Variants in NEBL observed in about 807,000 individuals in gnomAD.
NEBL encodes the protein nebulette, also known as LIM and SH3 protein 2.
Under a neutral mutation model 140.2 loss-of-function variants are expected in NEBL, and 122 were observed. The ratio of observed to expected loss-of-function variants is 0.87; its 90% confidence interval spans 0.75 to 1.01. NEBL has a LOEUF of 1.01. Ranked by LOEUF, NEBL falls within the 50% of genes least tolerant of loss-of-function variation. The probability of loss-of-function intolerance (pLI) is 0.00; values close to 1 mark genes in which losing one functional copy is unlikely to be tolerated. For synonymous variants in NEBL, 436 were observed against 398.9 expected (o/e 1.09, Z -1.11); for missense variants, 1,365 against 1,231.3 (o/e 1.11, Z -1.62).
chr10:21,216,844 C>T (rs991209921), intron 3 of NEBL, among the ~76,000 whole-genome samples: 33 of 150,634 alleles, frequency 2.2e-4, no homozygotes, highest in African/African-American at 6.4e-4. Flanking sequence ...AAAAATTAGC[C>T]GGGTGTGGTG....
chr10:21,126,974 C>CAA (rs55883304), intron 2 of NEBL, among the ~76,000 whole-genome samples: 74 of 64,050 alleles, frequency 1.2e-3, no homozygotes, highest in East Asian at 2.0e-3. Context: ...GACCCTGTAT[C>CAA]AAAAAAAAAA....
At chr10:21,086,147 C>T (rs568642417) in intron 2 of NEBL, among the ~76,000 whole-genome samples, 3 of 152,282 alleles carry the variant, frequency 2.0e-5, no homozygotes, top group African/African-American at 7.2e-5. Flanking sequence ...TGCCCATTTT[C>T]ACAATTTCCA....
At chr10:21,200,110 C>T (rs2132225937) in intron 3 of NEBL, among the ~76,000 whole-genome samples, 1 of 152,052 alleles carries the variant, frequency 6.6e-6, no homozygotes, top group East Asian at 1.9e-4. Flanking sequence ...ATGGTGTTTC[C>T]ATTTCTGCCC....
At chr10:21,207,488 C>G (rs1841846042) in intron 3 of NEBL, among the ~76,000 whole-genome samples, 1 of 152,034 alleles carries the variant, frequency 6.6e-6, no homozygotes, top group East Asian at 1.9e-4. Flanking sequence ...TAACAAAACC[C>G]AGATTTGGTT....
chr10:20,972,703 C>T (rs563995957), intron 3 of NEBL, among the ~76,000 whole-genome samples: 8 of 151,898 alleles, frequency 5.3e-5, no homozygotes, highest in South Asian at 2.1e-4. Flanking sequence ...GCCAAGATCA[C>T]GCCACTGCAC....
intron 2 of NEBL, among the ~76,000 whole-genome samples, chr10:21,146,725 AT>A (rs571047056): frequency 1.9e-3 from 292 of 152,202 alleles, no homozygotes; most frequent in African/African-American, 5.9e-3. Context: ...TAAAGTAAAA[AT>A]TTTTTTTAAC....
rs1842185829 is a variant in NEBL at position 20,848,629 on chromosome 10, C to T, written c.1116+1766G>A. 2.0e-5 allele frequency among the ~76,000 whole-genome samples: 3 copies of T among 150,236 alleles called. No homozygotes were observed. The South Asian group carries it at 6.2e-4, about 31-fold the overall frequency. On this transcript the variant is annotated intron_variant, in intron 11 of 27. Transcript: ENST00000377122. ...AGCACAAACCCTATTATGAACTGTG[C>T]ATGCAAGGGATCTAGGCTGTGCACT...
intron 9 of NEBL, among the ~76,000 whole-genome samples, chr10:20,853,652 G>T (rs1842760872): frequency 6.6e-6 from 1 of 152,186 alleles, no homozygotes; most frequent in Admixed American, 6.5e-5. Context: ...GCTGGGCATG[G>T]TGACATGCAC....
intron 4 of NEBL, among the ~76,000 whole-genome samples, chr10:20,941,167 C>T (rs1834839642): frequency 6.6e-6 from 1 of 152,200 alleles, no homozygotes; most frequent in Non-Finnish European, 1.5e-5. Context: ...CCCTGATGAA[C>T]ATTGATGCAA....
In NEBL at chr10:20,890,429, C is replaced by T. The variant is rs78220302; in HGVS notation, c.154-480G>A. Reference sequence around the variant, plus strand: ...GAAATTAAATGGGGATCACTATTACCGTTATTACCTAGACATGCTTGATTA... The same window carrying T: ...GAAATTAAATGGGGATCACTATTACTGTTATTACCTAGACATGCTTGATTA... On this transcript the variant is annotated intron_variant, in intron 2 of 27. Coordinates refer to ENST00000377122, the MANE Select transcript of NEBL (RefSeq NM_006393.3). Among the ~76,000 whole-genome samples the T allele has an allele frequency of 8.4e-3, 1,277 of 152,244 alleles. 19 individuals carry two copies. Among genetic ancestry groups the T allele is most frequent in the African/African-American group, 0.029 (1,212 of 41,528 alleles).
chr10:21,036,927 C>G (rs1834038556), intron 2 of NEBL, among the ~76,000 whole-genome samples: 1 of 152,104 alleles, frequency 6.6e-6, no homozygotes, highest in South Asian at 2.1e-4. Context: ...TGGAATACAG[C>G]CCTCCTTGCT....
chr10:21,032,549 C>T (rs1355596968), intron 2 of NEBL, among the ~76,000 whole-genome samples: 2 of 152,154 alleles, frequency 1.3e-5, no homozygotes, highest in Non-Finnish European at 2.9e-5. Context: ...ACATATAATG[C>T]CTCTGGTTGC....
chr10:21,275,490 CACTTTGCAGGTTT>C (rs560388626), intron 1 of NEBL, among the ~76,000 whole-genome samples: 1 of 152,332 alleles, frequency 6.6e-6, no homozygotes, highest in East Asian at 1.9e-4. Flanking sequence ...TCACGAAACC[CACTTTGCAGGTTT>C]TCCTCCTCTC....
chr10:21,230,491 A>T (rs1842231819), intron 3 of NEBL, among the ~76,000 whole-genome samples: 1 of 152,176 alleles, frequency 6.6e-6, no homozygotes, highest in Non-Finnish European at 1.5e-5. Flanking sequence ...TTTCAAGATG[A>T]ATGTGTCAAC....
intron 2 of NEBL, among the ~76,000 whole-genome samples, chr10:21,071,434 A>C (rs993230314): frequency 1.3e-5 from 2 of 152,124 alleles, no homozygotes; most frequent in African/African-American, 4.8e-5. Flanking sequence ...AGGACTTTTC[A>C]AATTTTTCTC....
rs187005749 is a variant in NEBL at position 21,253,090 on chromosome 10, C to T, written n.183-1262G>A. Among the ~76,000 whole-genome samples, 214 of 152,264 alleles carry T rather than the reference C, an allele frequency of 1.4e-3. 1 individual carries two copies. Among genetic ancestry groups the T allele is most frequent in the African/African-American group, 5.0e-3 (206 of 41,570 alleles). ...CAGTCTGGCCAGCATGGAGAAACCC[C>T]ATCTCTACTAAAAATACAAAAATTA... is the stretch of plus-strand genomic sequence containing the variant. On this transcript the variant is annotated intron_variant and non_coding_transcript_variant, in intron 1 of 8. Coordinates refer to the NEBL transcript ENST00000675702.
At position 20,991,121 on chromosome 10, in the gene NEBL, T is replaced by C. The variant is rs1390398455; in HGVS notation, c.249+28996A>G. Reference sequence around the variant, plus strand: ...TAGAGAAGTATGAGATATTTCCACATTGGTTCATTTAACAATTTTCTCTGC... The same window carrying C: ...TAGAGAAGTATGAGATATTTCCACACTGGTTCATTTAACAATTTTCTCTGC... On this transcript the variant is annotated intron_variant, in intron 3 of 6. Transcript: ENST00000417816. Among the ~76,000 whole-genome samples, 3 of 152,190 alleles carry C rather than the reference T, an allele frequency of 2.0e-5. No homozygotes were observed. In the East Asian group the frequency reaches 5.8e-4, roughly 29 times the overall value.
chr10:20,810,764 G>T (rs982739342), intron 24 of NEBL, among the ~76,000 whole-genome samples: 15 of 152,178 alleles, frequency 9.9e-5, no homozygotes, highest in African/African-American at 3.6e-4. Context: ...CGGCAGAAAT[G>T]GGGCTACAGC....
At chr10:21,029,271 C>A in intron 2 of NEBL, 1 of 1,597,264 alleles carries the variant, frequency 6.3e-7, no homozygotes, top group Non-Finnish European at 8.6e-7. Flanking sequence ...GCTTTCTTCC[C>A]AAATCGCCAC....
Sources: gnomAD v4.1 joint callset for allele counts (sites outside exome capture counted in the v4.1 genomes callset) on GRCh38, gnomAD v4.1.1 for gene constraint, MANE v1.5 for transcripts, NCBI Gene and HGNC (gene_info 2026-07-23, HGNC 2026-07-21) for gene names.